The following FRMD6 variants were observed in gnomAD, a reference collection of about 807,000 sequenced individuals.
The protein encoded by FRMD6 is FERM domain containing 6.
FRMD6 carries 37 observed loss-of-function variants against 73.2 expected under a neutral mutation model. That is an observed-to-expected ratio of 0.51 (90% confidence interval 0.39 to 0.66). The LOEUF is 0.66. Among genes scored for constraint, FRMD6 ranks in the 30% least tolerant of loss-of-function variants. FRMD6 has a pLI of 0.00. For missense variants in FRMD6, 714 were observed against 780.5 expected, an observed-to-expected ratio of 0.91 and a Z score of 1.02; for synonymous variants, 273 against 282.2, an observed-to-expected ratio of 0.97 and a Z score of 0.33.
At chr14:51,667,964 G>A (rs567638088) in intron 1 of FRMD6, among the ~76,000 whole-genome samples, 15 of 152,264 alleles carry the variant, frequency 9.9e-5, no homozygotes, top group Non-Finnish European at 1.5e-5. Flanking sequence ...AAATTTTCAT[G>A]AAATATAAGT....
intron 7 of FRMD6, among the ~76,000 whole-genome samples, chr14:51,709,082 G>A (rs1896796982): frequency 6.6e-6 from 1 of 152,044 alleles, no homozygotes; most frequent in African/African-American, 2.4e-5. Context: ...TATTCCATAA[G>A]TGCCACTTTG....
chr14:51,637,782 T>A (rs1238533983), intron 2 of FRMD6: 1 of 152,226 alleles, frequency 6.6e-6, no homozygotes, highest in African/African-American at 2.4e-5. Context: ...GAATAAAGAT[T>A]AAATTCACAA....
upstream of FRMD6, chr14:51,651,758 C>T (rs1286753500): frequency 6.9e-6 from 1 of 145,424 alleles, no homozygotes; most frequent in African/African-American, 2.5e-5. Context: ...GCGCAGCTCC[C>T]GCGGCTCGGC....
intron 4 of FRMD6, 71 bp downstream of exon 4, chr14:51,701,230 TAGA>T: frequency 4.7e-6 from 4 of 855,770 alleles, no homozygotes. Flanking sequence ...TGTTATACAT[TAGA>T]AGAAAACTGT....
Position 51,604,881 on chromosome 14 carries a change from T to A in FRMD6, c.-147+34471T>A, listed in dbSNP as rs540036284. Reference sequence around the variant, plus strand: ...TCTGTATCATTTCAATTTTAGTATATGTGCTACCAAAGTGAGCACTGCTTA... The same window carrying A: ...TCTGTATCATTTCAATTTTAGTATAAGTGCTACCAAAGTGAGCACTGCTTA... On this transcript the variant is annotated intron_variant, in intron 2 of 14. Transcript: ENST00000356218. Among the ~76,000 whole-genome samples, 63 of 152,324 alleles carry A rather than the reference T, an allele frequency of 4.1e-4. 2 individuals carry two copies. The South Asian group carries it at 0.013, about 31-fold the overall frequency.
rs189002024 is a variant in FRMD6 at position 51,548,644 on chromosome 14, A to T, written c.-209-21704A>T. Reference sequence around the variant, plus strand: ...AACTCTCAATTTTTTGGAAGGGGAAATGTGGGGGAAACGGGGAGATAAGTT... The same window carrying T: ...AACTCTCAATTTTTTGGAAGGGGAATTGTGGGGGAAACGGGGAGATAAGTT... On this transcript the variant is annotated intron_variant, in intron 1 of 14. Transcript: ENST00000356218. Among the ~76,000 whole-genome samples the T allele has an allele frequency of 4.2e-3, 645 of 152,328 alleles. 6 individuals carry two copies. The highest frequency in any genetic ancestry group is 0.014 in the African/African-American group (596 of 41,586).
chr14:51,608,239 G>A (rs549131928), intron 2 of FRMD6, among the ~76,000 whole-genome samples: 1 of 152,126 alleles, frequency 6.6e-6, no homozygotes, highest in African/African-American at 2.4e-5. Flanking sequence ...GGTTCGGCTT[G>A]GGATCCTTTG....
intron 1 of FRMD6, among the ~76,000 whole-genome samples, chr14:51,529,890 A>T (rs982831468): frequency 6.6e-6 from 1 of 152,220 alleles, no homozygotes; most frequent in Non-Finnish European, 1.5e-5. Context: ...GTTAGTTTGT[A>T]TGGCTTGTGA....
At chr14:51,711,728 A>G in intron 8 of FRMD6, 132 bp downstream of exon 8, 1 of 647,250 alleles carries the variant, frequency 1.5e-6, no homozygotes, top group South Asian at 2.0e-5. Flanking sequence ...TTTGTCTAGC[A>G]CAGATGTGGA....
At chr14:51,402,831 G>A in the FRMD6 span, among the ~76,000 whole-genome samples, 1 of 152,034 alleles carries the variant, frequency 6.6e-6, no homozygotes, top group African/African-American at 2.4e-5. Context: ...GTAGAGATGG[G>A]GTTTCACCCT....
At chr14:51,683,301 G>T (rs769861314) in intron 1 of FRMD6, among the ~76,000 whole-genome samples, 54 of 152,074 alleles carry the variant, frequency 3.6e-4, no homozygotes, top group Non-Finnish European at 6.9e-4. Flanking sequence ...ACAGAGCCTT[G>T]CTCTGTTGCT....
In FRMD6 at chr14:51,722,035, A is replaced by G. The variant is rs758558903; in HGVS notation, c.1447A>G (p.Ile483Val). Residue 483 changes from isoleucine (I) to valine (V), a missense_variant, in exon 12 of 14, where the codon ATC becomes GTC. Physicochemically the swap from Ile to Val is conservative, Grantham distance 29. Transcript: ENST00000344768. ...LEVSPDMCIY[I>V]TEDMLMSRKL... ...AGTCAGCCCAGACATGTGCATCTAC[A>G]TCACAGAGGACATGCTCATGTCGCG... 7 of 1,614,144 alleles carry G rather than the reference A, an allele frequency of 4.3e-6. No individual in the cohort carries two copies. Among genetic ancestry groups the G allele is most frequent in the Non-Finnish European group, 5.9e-6 (7 of 1,179,984 alleles).
the FRMD6 span, among the ~76,000 whole-genome samples, chr14:51,481,972 A>G: frequency 6.6e-6 from 1 of 152,194 alleles, no homozygotes; most frequent in Non-Finnish European, 1.5e-5. Context: ...TTATAATTAC[A>G]TTTCCCCCTG....
chr14:51,538,172 A>AATTTTTGTG (rs1156430754), intron 1 of FRMD6, among the ~76,000 whole-genome samples: 2 of 152,048 alleles, frequency 1.3e-5, no homozygotes, highest in African/African-American at 4.8e-5. Context: ...ATCTCGAGTT[A>AATTTTTGTG]ATTTTTGTGA....
intron 1 of FRMD6, among the ~76,000 whole-genome samples, chr14:51,497,327 G>A (rs1883362130): frequency 6.6e-6 from 1 of 151,586 alleles, no homozygotes; most frequent in Non-Finnish European, 1.5e-5. Context: ...GGAGCCCAGA[G>A]GTCTCTTATC....
At position 51,490,538 on chromosome 14, in the gene FRMD6, C is replaced by T. The variant is rs545898472; in HGVS notation, c.-210+1118C>T. Among the ~76,000 whole-genome samples the T allele has an allele frequency of 2.4e-4, 36 of 152,078 alleles. 1 individual carries two copies. Among genetic ancestry groups the T allele is most frequent in the Middle Eastern group, 3.4e-3 (1 of 294 alleles). On this transcript the variant is annotated intron_variant, in intron 1 of 14. Coordinates refer to the FRMD6 transcript ENST00000356218. The stretch of plus-strand genomic sequence containing the variant: ...TCACCACCTTCTGTGTTTTGGGCAC[C>T]GTGCTGGGTCCTGGCTGTATACGTG...
intron 1 of FRMD6, among the ~76,000 whole-genome samples, chr14:51,564,859 AG>A (rs1201996716): frequency 1.3e-5 from 2 of 152,228 alleles, no homozygotes; most frequent in Non-Finnish European, 2.9e-5. Flanking sequence ...ATATAGGAAA[AG>A]AAATGTGTGT....
chr14:51,632,775 T>C (rs1891388750), intron 2 of FRMD6, among the ~76,000 whole-genome samples: 1 of 152,200 alleles, frequency 6.6e-6, no homozygotes, highest in South Asian at 2.1e-4. Context: ...GCCAGCCTGA[T>C]TGAGACACTG....
chr14:51,543,025 C>T (rs930424258), intron 1 of FRMD6, among the ~76,000 whole-genome samples: 2 of 151,942 alleles, frequency 1.3e-5, no homozygotes, highest in Non-Finnish European at 2.9e-5. Context: ...TATTTTCTCC[C>T]ATTCTATGAA....
Sources: gnomAD v4.1 joint callset for allele counts (sites outside exome capture counted in the v4.1 genomes callset) on GRCh38, gnomAD v4.1.1 for gene constraint, MANE v1.5 for transcripts, NCBI Gene and HGNC (gene_info 2026-07-23, HGNC 2026-07-21) for gene names.